The following BIN1 variants were observed in gnomAD, a reference collection of about 807,000 sequenced individuals.
BIN1 encodes bridging integrator 1.
BIN1 carries 53 observed loss-of-function variants against 82.0 expected under a neutral mutation model. That is an observed-to-expected ratio of 0.65 (90% confidence interval 0.52 to 0.81). BIN1 has a LOEUF of 0.81. BIN1 is among the 40% of genes least tolerant of loss of function. The pLI, the probability that BIN1 is intolerant of heterozygous loss-of-function variation, is 0.00. For missense variants in BIN1, 642 were observed against 784.4 expected, an observed-to-expected ratio of 0.82 and a Z score of 2.17; for synonymous variants, 302 against 328.0, an observed-to-expected ratio of 0.92 and a Z score of 0.86.
chr2:127,085,419 C>T (rs1251244072), intron 1 of BIN1, among the ~76,000 whole-genome samples: 1 of 152,218 alleles, frequency 6.6e-6, no homozygotes, highest in African/African-American at 2.4e-5. Flanking sequence ...CACAGCAGCA[C>T]AAGCTCGGCC....
At chr2:127,085,435 C>T (rs1044216335) in intron 1 of BIN1, among the ~76,000 whole-genome samples, 4 of 152,208 alleles carry the variant, frequency 2.6e-5, no homozygotes, top group African/African-American at 9.6e-5. Flanking sequence ...CGGCCATGTA[C>T]ATGCAGCAAG....
chr2:127,088,789 G>A (rs1678529252), intron 1 of BIN1, among the ~76,000 whole-genome samples: 1 of 151,810 alleles, frequency 6.6e-6, no homozygotes, highest in South Asian at 2.1e-4. Flanking sequence ...TGAGGGGAGA[G>A]GGCGGCTGCT....
chr2:127,105,796 G>C (rs1026664354), intron 1 of BIN1, among the ~76,000 whole-genome samples: 1 of 152,152 alleles, frequency 6.6e-6, no homozygotes, highest in African/African-American at 2.4e-5. Context: ...TCCACCCGGC[G>C]GCCGCGCAGC....
At chr2:127,087,581 G>A (rs1216213233) in intron 1 of BIN1, among the ~76,000 whole-genome samples, 2 of 152,244 alleles carry the variant, frequency 1.3e-5, no homozygotes, top group African/African-American at 4.8e-5. Flanking sequence ...GGGGGCTGGG[G>A]TGAGCACTCT....
rs1033802131 is a variant in BIN1 at position 127,048,201 on chromosome 2, A to C, written c.*325T>G. The C allele has an allele frequency of 2.3e-5, 9 of 393,162 alleles. No individual in the cohort carries two copies. The highest frequency in any genetic ancestry group is 3.3e-5 in the Non-Finnish European group (7 of 209,154). The allele number at this position is 393,162 out of a possible 1,614,324, so 24.4% of individuals were successfully genotyped here. ...ACCCTTGCCCGGGTGGCGCGGCCGA[A>C]GCTTCAGGCAAGCATGGTGGCTCGG... On this transcript the variant is annotated 3_prime_UTR_variant, in exon 19 of 19. Coordinates refer to ENST00000316724, the MANE Select transcript of BIN1 (RefSeq NM_139343.3).
In BIN1 at chr2:127,068,894, ACGCTGC is replaced by A; in HGVS notation, c.519+24_519+29del. 6.3e-7 allele frequency: 1 copy of A among 1,593,742 alleles called. No homozygotes were observed. Among genetic ancestry groups the A allele is most frequent in the Non-Finnish European group, 8.6e-7 (1 of 1,161,850 alleles). On this transcript the variant is annotated intron_variant, in intron 6 of 18. Coordinates refer to ENST00000316724, the MANE Select transcript of BIN1 (RefSeq NM_139343.3). The surrounding 1 kb of genome is among the most constrained non-coding windows in gnomAD (Gnocchi z 4.9). ...CCCGCCCTCTCTCAGCCCCCTGCAG[ACGCTGC>A]CCCGACCCGCCTCCAGCCCTTACCT...
At chr2:127,062,016 C>T (rs1278856570) in intron 10 of BIN1, 99 bp downstream of exon 10, 57 of 1,416,716 alleles carry the variant, frequency 4.0e-5, no homozygotes, top group Non-Finnish European at 5.4e-5. Context: ...CAAGGCCAAA[C>T]CCATGGGGGA....
chr2:127,098,749 C>A (rs961170128), intron 1 of BIN1, among the ~76,000 whole-genome samples: 1 of 152,224 alleles, frequency 6.6e-6, no homozygotes, highest in East Asian at 1.9e-4. Context: ...CACACTGAAC[C>A]CCCAGCCAGC....
At position 127,057,869 on chromosome 2, in the gene BIN1, G is replaced by A. The variant is rs901161297; in HGVS notation, c.1003-268C>T. 7.5e-6 allele frequency among the ~76,000 whole-genome samples: 1 copy of A among 134,218 alleles called. No individual in the cohort carries two copies. The highest frequency in any genetic ancestry group is 3.1e-5 in the African/African-American group (1 of 32,018). 88.1% of individuals were successfully genotyped at this position (134,218 alleles called of 152,430 possible). On this transcript the variant is annotated intron_variant, in intron 11 of 18. Coordinates refer to ENST00000316724, the MANE Select transcript of BIN1 (RefSeq NM_139343.3). This position sits in a 1 kb window ranked among gnomAD's most constrained non-coding sequence, Gnocchi z 5.0. Reference sequence around the variant, plus strand: ...AGAGAGAAGAGATAGAGAAGTGAGGGGAGAGGAGGAAGGAGAGCGAAGAAG... The same window carrying A: ...AGAGAGAAGAGATAGAGAAGTGAGGAGAGAGGAGGAAGGAGAGCGAAGAAG...
Position 127,107,061 on chromosome 2 carries a change from G to T in BIN1, c.-118C>A. The T allele has an allele frequency of 9.4e-7, 1 of 1,058,998 alleles. No homozygotes were observed. Among genetic ancestry groups the T allele is most frequent in the Non-Finnish European group, 1.2e-6 (1 of 803,610 alleles). 65.6% of individuals were successfully genotyped at this position (1,058,998 alleles called of 1,614,324 possible). A position where few individuals can be genotyped will look rare whatever the true frequency, so the allele number is the denominator to read the frequency against. On this transcript the variant is annotated 5_prime_UTR_variant, in exon 1 of 19. Transcript: ENST00000316724. The surrounding 1 kb of genome is among the most constrained non-coding windows in gnomAD (Gnocchi z 5.9). ...CAGACCGGCTGCCGCTCCACGCCGC[G>T]CACCCGACAGCGGAGCCAACTGACG... is the stretch of plus-strand genomic sequence containing the variant.
chr2:127,051,708 G>A (rs1034190794), intron 15 of BIN1, among the ~76,000 whole-genome samples: 17 of 152,164 alleles, frequency 1.1e-4, no homozygotes, highest in East Asian at 5.8e-4. Flanking sequence ...CAGGTGGTGC[G>A]GTGCAGCCTG....
intron 5 of BIN1, 140 bp downstream of exon 5, chr2:127,069,855 C>G: frequency 1.2e-6 from 1 of 821,778 alleles, no homozygotes; most frequent in Non-Finnish European, 2.0e-6. Context: ...GGAGCAACCC[C>G]GGAGGGGTGA....
intron 1 of BIN1, among the ~76,000 whole-genome samples, chr2:127,077,924 C>T (rs1686823609): frequency 6.6e-6 from 1 of 152,138 alleles, no homozygotes; most frequent in Non-Finnish European, 1.5e-5. Flanking sequence ...GAGTGGAAAG[C>T]AAAGGGAGAA....
Position 127,050,829 on chromosome 2 carries a change from C to A in BIN1, c.1545G>T (p.Leu515Phe), listed in dbSNP as rs763458588. The A allele has an allele frequency of 2.5e-6, 4 of 1,613,606 alleles. No individual in the cohort carries two copies. Among genetic ancestry groups the A allele is most frequent in the Admixed American group, 1.7e-5 (1 of 60,004 alleles). The change falls in exon 17 of 19, where the codon TTG (leucine) becomes TTT (phenylalanine). Residue 515 changes from leucine (L) to phenylalanine (F), a missense_variant. Coordinates refer to ENST00000316724, the MANE Select transcript of BIN1 (RefSeq NM_139343.3). ...TVEGGSGAGR[L>F]DLPPGFMFKV... is the part of the protein sequence containing the mutation. ...TGAACATGAAACCTGGGGGCAGGTCCAAGCGCCCGGCCCCACTGCCGCCCT... is the reference window on the plus strand; with the variant it reads ...TGAACATGAAACCTGGGGGCAGGTCAAAGCGCCCGGCCCCACTGCCGCCCT...
At chr2:127,061,698 G>A (rs1342844252) in intron 10 of BIN1, among the ~76,000 whole-genome samples, 6 of 152,158 alleles carry the variant, frequency 3.9e-5, no homozygotes, top group African/African-American at 1.2e-4. Flanking sequence ...CCAGGGACAT[G>A]AGCTTTTCCA....
intron 1 of BIN1, among the ~76,000 whole-genome samples, chr2:127,095,460 T>C (rs1679474610): frequency 6.6e-6 from 1 of 152,234 alleles, no homozygotes; most frequent in African/African-American, 2.4e-5. Flanking sequence ...ACCTTCCCTT[T>C]GGTGTGCCAG....
chr2:127,072,182 T>C (rs539914820), intron 2 of BIN1, among the ~76,000 whole-genome samples: 1 of 152,324 alleles, frequency 6.6e-6, no homozygotes, highest in East Asian at 1.9e-4. Context: ...GCCCCATCCA[T>C]TCAGGTCCAC....
chr2:127,070,755 C>T lies in BIN1; in HGVS notation c.220+7G>A, dbSNP rs762299145. 1.9e-6 allele frequency: 3 copies of T among 1,613,934 alleles called. No homozygotes were observed. Among genetic ancestry groups the T allele is most frequent in the Non-Finnish European group, 2.5e-6 (3 of 1,180,008 alleles). ...CACGGGCCAGGTGCGCTCTGCCTGC[C>T]TCCTACCTTTGACGGAGGCCAGGTA... On this transcript the variant is annotated splice_region_variant and intron_variant, in intron 3 of 18. Transcript: ENST00000316724.
intron 1 of BIN1, among the ~76,000 whole-genome samples, chr2:127,085,155 C>T (rs1393585456): frequency 6.6e-6 from 1 of 152,012 alleles, no homozygotes; most frequent in Non-Finnish European, 1.5e-5. Flanking sequence ...GGGAAAGCTA[C>T]GGGCAGCTGG....
Sources: allele counts gnomAD v4.1 joint callset (sites outside exome capture counted in the v4.1 genomes callset), GRCh38; gene constraint gnomAD v4.1.1; non-coding constraint Gnocchi (gnomAD v3.1); transcripts MANE v1.5; gene names NCBI Gene and HGNC (gene_info 2026-07-23, HGNC 2026-07-21).